MAST4: variants seen among roughly 807,000 people sequenced by gnomAD.
MAST4 encodes microtubule associated serine/threonine kinase family member 4.
Under a neutral mutation model 162.7 loss-of-function variants are expected in MAST4, and 89 were observed. The observed-to-expected ratio is 0.55, with a 90% CI of 0.46 to 0.65. MAST4 has a LOEUF of 0.65. Among genes scored for constraint, MAST4 ranks in the 30% least tolerant of loss-of-function variants. MAST4 has a pLI of 0.00. For missense variants in MAST4, 3,153 were observed against 3,374.0 expected (o/e 0.93, Z 1.62); for synonymous variants, 1,479 against 1,361.1 (o/e 1.09, Z -1.91).
chr5:66,838,145 C>T (rs1758159684), intron 3 of MAST4, among the ~76,000 whole-genome samples: 1 of 151,770 alleles, frequency 6.6e-6, no homozygotes, highest in Admixed American at 6.6e-5. Context: ...GCTGGACATG[C>T]TCCATGGTTT....
chr5:66,961,125 C>T (rs891522321), intron 4 of MAST4, among the ~76,000 whole-genome samples: 1 of 152,242 alleles, frequency 6.6e-6, no homozygotes, highest in South Asian at 2.1e-4. Context: ...TGCAAAATTA[C>T]TCTAAAATGG....
intron 4 of MAST4, among the ~76,000 whole-genome samples, chr5:67,044,631 C>T (rs1161029252): frequency 1.3e-5 from 2 of 152,096 alleles, no homozygotes; most frequent in Non-Finnish European, 2.9e-5. Flanking sequence ...CCTCCAGCCT[C>T]GCTGCCTGAG....
chr5:66,903,361 A>T (rs986201009), intron 4 of MAST4, among the ~76,000 whole-genome samples: 1 of 150,486 alleles, frequency 6.6e-6, no homozygotes, highest in Non-Finnish European at 1.5e-5. Flanking sequence ...GTAGGATTCA[A>T]ATTGCTTTAA....
At chr5:66,898,065 C>T (rs1052402753) in intron 3 of MAST4, among the ~76,000 whole-genome samples, 9 of 152,118 alleles carry the variant, frequency 5.9e-5, no homozygotes, top group East Asian at 1.9e-4. Flanking sequence ...ACCTTTTATG[C>T]GGCTGTCAGA....
At chr5:67,078,895 T>TTATATAA (rs1491586866) in intron 5 of MAST4, among the ~76,000 whole-genome samples, 1 of 73,318 alleles carries the variant, frequency 1.4e-5, no homozygotes, top group African/African-American at 5.9e-5. Flanking sequence ...TTTATATATT[T>TTATATAA]ATATATTTTT....
At chr5:66,948,788 T>C (rs1744330949) in intron 4 of MAST4, among the ~76,000 whole-genome samples, 1 of 152,164 alleles carries the variant, frequency 6.6e-6, no homozygotes, top group Middle Eastern at 3.2e-3. Context: ...GACTATACTT[T>C]TAGTAATCTT....
chr5:66,838,099 G>T (rs1758156266), intron 3 of MAST4, among the ~76,000 whole-genome samples: 1 of 151,442 alleles, frequency 6.6e-6, no homozygotes, highest in Non-Finnish European at 1.5e-5. Context: ...CCATGGCACT[G>T]GTAGTGTCCA....
intron 1 of MAST4, among the ~76,000 whole-genome samples, chr5:66,605,328 C>T (rs76930865): frequency 0.017 from 2,655 of 152,278 alleles, 73 homozygotes; most frequent in African/African-American, 0.061. Context: ...GAGTTTCAGA[C>T]ATCCTAAATG....
chr5:67,051,096 A>G (rs1327405095), intron 4 of MAST4, among the ~76,000 whole-genome samples: 3 of 152,172 alleles, frequency 2.0e-5, no homozygotes, highest in Admixed American at 6.5e-5. Flanking sequence ...AGGGTGAGTT[A>G]TAAAAAAGAT....
At chr5:67,096,106 GA>G (rs372383229) in intron 7 of MAST4, among the ~76,000 whole-genome samples, 38 of 143,382 alleles carry the variant, frequency 2.7e-4, no homozygotes, top group Non-Finnish European at 4.2e-4. Flanking sequence ...CTCCTTCAAA[GA>G]AAAAAAAAAG....
chr5:66,751,030 G>A (rs1268261572), intron 1 of MAST4, among the ~76,000 whole-genome samples: 1 of 152,038 alleles, frequency 6.6e-6, no homozygotes, highest in Non-Finnish European at 1.5e-5. Context: ...CCCCCAGCAG[G>A]GGCACACTGA....
chr5:66,643,581 C>T (rs942836156), intron 1 of MAST4, among the ~76,000 whole-genome samples: 26 of 152,132 alleles, frequency 1.7e-4, no homozygotes, highest in African/African-American at 6.0e-4. Context: ...GCATCACCTT[C>T]AGACCAGGCC....
At chr5:66,888,936 A>G (rs1032801161) in intron 3 of MAST4, among the ~76,000 whole-genome samples, 4 of 152,244 alleles carry the variant, frequency 2.6e-5, no homozygotes, top group Non-Finnish European at 5.9e-5. Flanking sequence ...TCTAAAATCA[A>G]ATAAAGCTTT....
chr5:66,895,775 CTTCTG>C (rs1446125808), intron 3 of MAST4, among the ~76,000 whole-genome samples: 2 of 152,066 alleles, frequency 1.3e-5, no homozygotes, highest in African/African-American at 4.8e-5. Context: ...GTGTTCATTT[CTTCTG>C]TTCTTCAGCC....
intron 11 of MAST4, 57 bp downstream of exon 11, chr5:67,110,256 C>A: frequency 8.1e-7 from 1 of 1,239,690 alleles, no homozygotes; most frequent in Non-Finnish European, 1.2e-6. Context: ...AAGCAGTTAC[C>A]ATCAGAAAGC....
intron 3 of MAST4, among the ~76,000 whole-genome samples, chr5:66,878,709 T>TCAGAGAACTCTTTTGGC (rs1388587476): frequency 1.3e-5 from 2 of 152,230 alleles, no homozygotes; most frequent in Non-Finnish European, 2.9e-5. Flanking sequence ...TACCTAAATG[T>TCAGAGAACTCTTTTGGC]CAGAGAACTC....
intron 2 of MAST4, among the ~76,000 whole-genome samples, chr5:66,766,642 C>T (rs188655923): frequency 2.5e-4 from 38 of 152,098 alleles, no homozygotes; most frequent in East Asian, 7.7e-4. Context: ...ATCCTAAAGA[C>T]CTCCTTAGCT....
intron 1 of MAST4, among the ~76,000 whole-genome samples, chr5:66,629,894 T>C (rs1744686215): frequency 6.6e-6 from 1 of 152,240 alleles, no homozygotes; most frequent in South Asian, 2.1e-4. Flanking sequence ...TATAGTTTTA[T>C]TTTGAAACTT....
intron 4 of MAST4, chr5:66,958,942 T>G: frequency 2.9e-6 from 1 of 348,648 alleles, no homozygotes. Flanking sequence ...GGTCTGTGAG[T>G]AGAGCGACTT....
Sources: allele counts gnomAD v4.1 joint callset (sites outside exome capture counted in the v4.1 genomes callset), GRCh38; gene constraint gnomAD v4.1.1; transcripts MANE v1.5; gene names NCBI Gene and HGNC (gene_info 2026-07-23, HGNC 2026-07-21).